TRABD2B: variants seen among roughly 807,000 people sequenced by gnomAD.
TRABD2B encodes metalloprotease TIKI2.
Under a neutral mutation model 40.1 loss-of-function variants are expected in TRABD2B, and 14 were observed. The observed-to-expected ratio is 0.35, with a 90% CI of 0.23 to 0.55. The LOEUF (loss-of-function observed/expected upper bound fraction) is 0.55. Ranked by LOEUF, TRABD2B falls within the 20% of genes least tolerant of loss-of-function variation. TRABD2B has a pLI of 0.90. For synonymous variants in TRABD2B, 263 were observed against 277.0 expected (o/e 0.95, Z 0.50); for missense variants, 541 against 648.6 (o/e 0.83, Z 1.80).
At chr1:47,825,544 G>A (rs1182888118) in intron 2 of TRABD2B, among the ~76,000 whole-genome samples, 1 of 152,220 alleles carries the variant, frequency 6.6e-6, no homozygotes, top group African/African-American at 2.4e-5. Context: ...CACTTGCACT[G>A]AGCACCCATC....
At chr1:47,815,405 G>A (rs969513145) in intron 2 of TRABD2B, among the ~76,000 whole-genome samples, 2 of 152,184 alleles carry the variant, frequency 1.3e-5, no homozygotes, top group African/African-American at 4.8e-5. Flanking sequence ...TCTGCTTCCA[G>A]GATCCACCTT....
At chr1:47,959,907 C>A (rs185093029) in intron 2 of TRABD2B, among the ~76,000 whole-genome samples, 2,886 of 151,996 alleles carry the variant, frequency 0.019, 40 homozygotes, top group South Asian at 0.056. Flanking sequence ...GACACACACA[C>A]AAAAAAAGAG....
intron 2 of TRABD2B, among the ~76,000 whole-genome samples, chr1:47,872,515 T>C (rs1644158754): frequency 6.6e-6 from 1 of 152,122 alleles, no homozygotes; most frequent in Non-Finnish European, 1.5e-5. Flanking sequence ...GCCCAAGTAT[T>C]GCCTTTACCT....
intron 2 of TRABD2B, among the ~76,000 whole-genome samples, chr1:47,815,977 G>A (rs1385619991): frequency 6.6e-6 from 1 of 152,158 alleles, no homozygotes; most frequent in Non-Finnish European, 1.5e-5. Flanking sequence ...CTGTGCGGGG[G>A]TCCTGGGGAG....
chr1:47,783,326 C>T (rs1381171261), intron 4 of TRABD2B, among the ~76,000 whole-genome samples: 2 of 151,270 alleles, frequency 1.3e-5, no homozygotes, highest in Non-Finnish European at 2.9e-5. Context: ...GACACAGAGA[C>T]AGAGAGGTAA....
chr1:47,797,954 A>AG (rs1644770358), intron 3 of TRABD2B, among the ~76,000 whole-genome samples: 1 of 152,146 alleles, frequency 6.6e-6, no homozygotes, highest in South Asian at 2.1e-4. Context: ...CAGGTCTAAT[A>AG]GTCAAATGCT....
At chr1:47,927,408 G>A (rs1423110798) in intron 2 of TRABD2B, among the ~76,000 whole-genome samples, 1 of 152,232 alleles carries the variant, frequency 6.6e-6, no homozygotes, top group Non-Finnish European at 1.5e-5. Flanking sequence ...CATGGAACGT[G>A]AGCCTGCCAG....
At chr1:47,905,124 G>C (rs947624243) in intron 2 of TRABD2B, among the ~76,000 whole-genome samples, 8 of 152,162 alleles carry the variant, frequency 5.3e-5, no homozygotes, top group African/African-American at 1.9e-4. Context: ...AATCATGACT[G>C]CTAAAGCAGG....
In TRABD2B at chr1:47,927,624, G is replaced by T. The variant is rs377261277; in HGVS notation, c.666+66410C>A. Among the ~76,000 whole-genome samples, 69 of 152,308 alleles carry T rather than the reference G, an allele frequency of 4.5e-4. No individual in the cohort carries two copies. In the South Asian group the frequency reaches 0.014, roughly 30 times the overall value. On this transcript the variant is annotated intron_variant, in intron 2 of 6. Coordinates refer to ENST00000606738, the MANE Select transcript of TRABD2B (RefSeq NM_001194986.2). ...AAAACACTCCATGTTTGTCAGGAGG[G>T]TCCTCCCCATTAGGGGAAATATGGG...
chr1:47,935,418 T>C (rs191753197), intron 2 of TRABD2B, among the ~76,000 whole-genome samples: 30 of 152,344 alleles, frequency 2.0e-4, no homozygotes, highest in Admixed American at 6.5e-4. Context: ...ACAGGCTGTT[T>C]TGTCTCTTGC....
At chr1:47,826,957 G>A (rs1264182336) in intron 2 of TRABD2B, among the ~76,000 whole-genome samples, 1 of 152,132 alleles carries the variant, frequency 6.6e-6, no homozygotes, top group East Asian at 1.9e-4. Context: ...TTTCTGTAGT[G>A]ACCCCCACAC....
At chr1:47,845,768 A>C (rs936284983) in intron 2 of TRABD2B, among the ~76,000 whole-genome samples, 13 of 152,246 alleles carry the variant, frequency 8.5e-5, no homozygotes, top group African/African-American at 3.1e-4. Flanking sequence ...ATTTTTGTAT[A>C]ATAAGGAATG....
rs530689511 is a variant in TRABD2B, at chr1:47,905,696, T to TTCTC, written c.666+88334_666+88337dup. Among the ~76,000 whole-genome samples, 288 of 152,034 alleles carry TTCTC rather than the reference T, an allele frequency of 1.9e-3. 1 individual carries two copies. The highest frequency in any genetic ancestry group is 6.6e-3 in the African/African-American group (275 of 41,494). On this transcript the variant is annotated intron_variant, in intron 2 of 6. Coordinates refer to ENST00000606738, the MANE Select transcript of TRABD2B (RefSeq NM_001194986.2). ...TCTGTATGTCTATCTCTCTGCCTCCTTCTCTCTCTCTCTCTTTTCTTTCTC... is the reference window on the plus strand; with the variant it reads ...TCTGTATGTCTATCTCTCTGCCTCCTTCTCTCTCTCTCTCTCTCTTTTCTTTCTC...
chr1:47,865,944 T>A (rs1204965554), intron 2 of TRABD2B, among the ~76,000 whole-genome samples: 1 of 152,182 alleles, frequency 6.6e-6, no homozygotes, highest in African/African-American at 2.4e-5. Context: ...TCCATTCCTC[T>A]GTGCTTCAGT....
chr1:47,940,395 GT>G (rs1215633400), intron 2 of TRABD2B, among the ~76,000 whole-genome samples: 2 of 152,224 alleles, frequency 1.3e-5, no homozygotes, highest in South Asian at 2.1e-4. Context: ...GATGGAATTT[GT>G]TGGGGTGTAC....
chr1:47,797,090 G>A (rs1644759422), intron 3 of TRABD2B, among the ~76,000 whole-genome samples: 1 of 152,238 alleles, frequency 6.6e-6, no homozygotes, highest in Non-Finnish European at 1.5e-5. Context: ...AGACAGCCAG[G>A]ACAACTTGGG....
intron 6 of TRABD2B, among the ~76,000 whole-genome samples, chr1:47,769,679 C>T (rs1644353596): frequency 6.6e-6 from 1 of 152,240 alleles, no homozygotes. Flanking sequence ...CCAAACACTG[C>T]AAGTGTTCCC....
intron 2 of TRABD2B, among the ~76,000 whole-genome samples, chr1:47,809,707 G>A (rs1355500452): frequency 2.6e-5 from 4 of 152,138 alleles, no homozygotes; most frequent in African/African-American, 9.7e-5. Flanking sequence ...GAGTCTCCTA[G>A]GCCTCCAGCA....
intron 2 of TRABD2B, among the ~76,000 whole-genome samples, chr1:47,822,623 C>A (rs750736582): frequency 2.4e-4 from 37 of 152,222 alleles, no homozygotes; most frequent in Non-Finnish European, 4.6e-4. Flanking sequence ...AAAGTTGGAG[C>A]TAACATACAT....
Sources: gnomAD v4.1 joint callset for allele counts (sites outside exome capture counted in the v4.1 genomes callset) on GRCh38, gnomAD v4.1.1 for gene constraint, MANE v1.5 for transcripts, NCBI Gene and HGNC (gene_info 2026-07-23, HGNC 2026-07-21) for gene names.